The following SKAP1 variants were observed in gnomAD, a reference collection of about 807,000 sequenced individuals.
SKAP1 encodes the protein src kinase associated phosphoprotein 1.
SKAP1 carries 44 observed loss-of-function variants against 58.5 expected under a neutral mutation model. The observed-to-expected ratio is 0.75, with a 90% CI of 0.59 to 0.97. The LOEUF (loss-of-function observed/expected upper bound fraction) is 0.97. SKAP1 is among the 50% of genes least tolerant of loss of function. SKAP1 has a pLI of 0.00. For synonymous variants in SKAP1, 127 were observed against 149.7 expected (o/e 0.85, Z 1.11); for missense variants, 390 against 435.2 (o/e 0.90, Z 0.92).
intron 4 of SKAP1, chr17:48,307,206 A>G (rs530994576): frequency 2.6e-5 from 4 of 152,366 alleles, no homozygotes; most frequent in Admixed American, 2.6e-4. Context: ...AAGCAAGCTG[A>G]AAAAGCTTTG....
chr17:48,158,059 C>T (rs1254437613), intron 11 of SKAP1, among the ~76,000 whole-genome samples: 1 of 151,290 alleles, frequency 6.6e-6, no homozygotes, highest in Non-Finnish European at 1.5e-5. Flanking sequence ...AGCCTGTAAT[C>T]TCAGCTACTT....
chr17:48,259,406 C>CA (rs2065462310), intron 4 of SKAP1, among the ~76,000 whole-genome samples: 3 of 152,186 alleles, frequency 2.0e-5, no homozygotes, highest in Admixed American at 2.0e-4. Flanking sequence ...TACAAATACA[C>CA]ACAGTGTCTG....
intron 4 of SKAP1, among the ~76,000 whole-genome samples, chr17:48,245,857 C>T (rs371002649): frequency 2.6e-5 from 4 of 152,046 alleles, no homozygotes; most frequent in African/African-American, 9.7e-5. Flanking sequence ...TGCCTGTAAT[C>T]CCAGCTACTC....
At chr17:48,261,247 A>AT (rs796081339) in intron 4 of SKAP1, among the ~76,000 whole-genome samples, 11 of 152,278 alleles carry the variant, frequency 7.2e-5, no homozygotes, top group African/African-American at 2.4e-4. Context: ...AAAATACGCC[A>AT]TGCTTTAATG....
chr17:48,357,634 A>T (rs890993993), intron 3 of SKAP1, among the ~76,000 whole-genome samples: 1 of 152,162 alleles, frequency 6.6e-6, no homozygotes, highest in Non-Finnish European at 1.5e-5. Flanking sequence ...TGTCTCAGAA[A>T]AAAAGAAAAA....
chr17:48,278,789 G>C (rs934590350), intron 4 of SKAP1, among the ~76,000 whole-genome samples: 2 of 152,046 alleles, frequency 1.3e-5, no homozygotes, highest in African/African-American at 4.8e-5. Context: ...AAGAAGAAAA[G>C]GTACAGATTT....
Position 48,311,201 on chromosome 17 carries a change from G to A in SKAP1, c.280+34704C>T, listed in dbSNP as rs369258794. Among the ~76,000 whole-genome samples the A allele has an allele frequency of 4.6e-5, 7 of 152,292 alleles. No homozygotes were observed. In the East Asian group the frequency reaches 1.2e-3, roughly 25 times the overall value. ...GTCACCCAACTCACTGCAAACGACA[G>A]AAGCATGGCCATTAGATGGAGGAAC... is the stretch of plus-strand genomic sequence containing the variant. On this transcript the variant is annotated intron_variant, in intron 4 of 12. Coordinates refer to ENST00000336915, the MANE Select transcript of SKAP1 (RefSeq NM_003726.4).
At chr17:48,244,779 G>C (rs1182868601) in intron 4 of SKAP1, among the ~76,000 whole-genome samples, 1 of 152,142 alleles carries the variant, frequency 6.6e-6, no homozygotes, top group East Asian at 1.9e-4. Flanking sequence ...CGTTCACAGG[G>C]AAAATGAGTC....
At chr17:48,351,476 A>G (rs544664654) in intron 3 of SKAP1, among the ~76,000 whole-genome samples, 21 of 152,074 alleles carry the variant, frequency 1.4e-4, no homozygotes, top group African/African-American at 5.1e-4. Flanking sequence ...CAATGTATAA[A>G]TATTCCTTTT....
the SKAP1 span, among the ~76,000 whole-genome samples, chr17:48,439,053 T>C: frequency 6.6e-6 from 1 of 152,236 alleles, no homozygotes; most frequent in Non-Finnish European, 1.5e-5. Flanking sequence ...ATTTCCTGAA[T>C]TGTAATTTCA....
chr17:48,232,364 C>A (rs1205958921), intron 4 of SKAP1, among the ~76,000 whole-genome samples: 1 of 152,180 alleles, frequency 6.6e-6, no homozygotes, highest in African/African-American at 2.4e-5. Flanking sequence ...AAAGATACCA[C>A]CAGGTGGGTA....
intron 4 of SKAP1, among the ~76,000 whole-genome samples, chr17:48,320,639 G>T (rs889271231): frequency 6.6e-6 from 1 of 152,148 alleles, no homozygotes; most frequent in Admixed American, 6.5e-5. Context: ...TCTTGGCTGG[G>T]TGTGGTGGCT....
intron 2 of SKAP1, among the ~76,000 whole-genome samples, chr17:48,378,177 C>T (rs2067174079): frequency 6.6e-6 from 1 of 152,182 alleles, no homozygotes; most frequent in South Asian, 2.1e-4. Flanking sequence ...GTAACCACAT[C>T]GCAAACGGTC....
chr17:48,441,448 G>C, the SKAP1 span, among the ~76,000 whole-genome samples: 2 of 152,100 alleles, frequency 1.3e-5, no homozygotes, highest in African/African-American at 4.8e-5. Flanking sequence ...AGGGGAAGTG[G>C]GGGGAGGATT....
At chr17:48,252,496 T>C (rs117851665) in intron 4 of SKAP1, among the ~76,000 whole-genome samples, 1 of 152,212 alleles carries the variant, frequency 6.6e-6, no homozygotes, top group Admixed American at 6.5e-5. Context: ...TACATATATA[T>C]CTGAGAAGGC....
At chr17:48,394,591 T>C (rs1169427372) in intron 2 of SKAP1, among the ~76,000 whole-genome samples, 2 of 152,214 alleles carry the variant, frequency 1.3e-5, no homozygotes, top group Non-Finnish European at 2.9e-5. Context: ...TCTTCTGGCC[T>C]CAGCCTCCCA....
rs531519742 is a variant in SKAP1 at position 48,257,929 on chromosome 17, G to A, written c.281-68429C>T. ...AGAGGTTGATTTGCTCACAAAGGAA[G>A]AGCAGCTTTGAGAATGGGCCACATG... On this transcript the variant is annotated intron_variant, in intron 4 of 12. Transcript: ENST00000336915. Among the ~76,000 whole-genome samples the A allele has an allele frequency of 3.3e-5, 5 of 152,178 alleles. No homozygotes were observed. The South Asian group carries it at 6.2e-4, about 19-fold the overall frequency.
At chr17:48,327,637 C>T (rs747285152) in intron 4 of SKAP1, among the ~76,000 whole-genome samples, 9 of 152,228 alleles carry the variant, frequency 5.9e-5, no homozygotes, top group African/African-American at 1.9e-4. Flanking sequence ...GAAGGCAATT[C>T]AACATGTTAT....
At chr17:48,392,775 G>C (rs934642265) in intron 2 of SKAP1, among the ~76,000 whole-genome samples, 3 of 151,832 alleles carry the variant, frequency 2.0e-5, no homozygotes, top group African/African-American at 7.3e-5. Context: ...CACAAGAATC[G>C]CCAGAACCTG....
Sources: allele counts gnomAD v4.1 joint callset (sites outside exome capture counted in the v4.1 genomes callset), GRCh38; gene constraint gnomAD v4.1.1; transcripts MANE v1.5; gene names NCBI Gene and HGNC (gene_info 2026-07-23, HGNC 2026-07-21).